CHST11: variants seen among roughly 807,000 people sequenced by gnomAD.
CHST11 encodes the protein carbohydrate sulfotransferase 11, also known as C4S-1.
CHST11 carries 9 observed loss-of-function variants against 30.4 expected under a neutral mutation model. That is an observed-to-expected ratio of 0.30 (90% confidence interval 0.18 to 0.52). The LOEUF (loss-of-function observed/expected upper bound fraction) is 0.52, where lower values mean the gene tolerates loss of function less well. Ranked by LOEUF, CHST11 falls within the 20% of genes least tolerant of loss-of-function variation. The pLI is 0.97. For missense variants in CHST11, 348 were observed against 460.6 expected, an observed-to-expected ratio of 0.76 and a Z score of 2.24; for synonymous variants, 152 against 187.8, an observed-to-expected ratio of 0.81 and a Z score of 1.56.
intron 1 of CHST11, among the ~76,000 whole-genome samples, chr12:104,586,931 C>T (rs543423487): frequency 1.2e-4 from 18 of 152,282 alleles, no homozygotes; most frequent in African/African-American, 3.9e-4. Flanking sequence ...CCTTGAACTG[C>T]GTTTTTTCCA....
chr12:104,474,543 A>T (rs1411226816), intron 1 of CHST11, among the ~76,000 whole-genome samples: 1 of 152,222 alleles, frequency 6.6e-6, no homozygotes. Context: ...TGAGATTTTT[A>T]AAAATAAATC....
intron 1 of CHST11, among the ~76,000 whole-genome samples, chr12:104,534,589 T>A (rs1452615322): frequency 1.3e-5 from 2 of 152,204 alleles, no homozygotes; most frequent in Non-Finnish European, 2.9e-5. Context: ...TTTCAGTTGA[T>A]CCCACTGAGA....
chr12:104,655,870 T>C (rs530672035), intron 2 of CHST11, among the ~76,000 whole-genome samples: 82 of 152,322 alleles, frequency 5.4e-4, no homozygotes, highest in Middle Eastern at 3.4e-3. Context: ...TTTTTCTCTC[T>C]TGTTGCAAGA....
At chr12:104,471,941 T>A (rs753480133) in intron 1 of CHST11, among the ~76,000 whole-genome samples, 7 of 151,984 alleles carry the variant, frequency 4.6e-5, no homozygotes, top group Non-Finnish European at 1.0e-4. Context: ...GGGCTTTTTT[T>A]GGTCTCCCCT....
chr12:104,717,727 C>T (rs1050445839), intron 2 of CHST11, among the ~76,000 whole-genome samples: 7 of 151,780 alleles, frequency 4.6e-5, no homozygotes, highest in Non-Finnish European at 7.4e-5. Context: ...GCCGATATCA[C>T]GCCACTGCAC....
chr12:104,475,688 A>ATATATATATATTTATTTATT (rs1555226434), intron 1 of CHST11, among the ~76,000 whole-genome samples: 1 of 78,468 alleles, frequency 1.3e-5, no homozygotes, highest in Non-Finnish European at 2.9e-5. Context: ...ATATATATAT[A>ATATATATATATTTATTTATT]TATTTCTGAT....
chr12:104,667,389 G>C (rs1566029852), intron 2 of CHST11, among the ~76,000 whole-genome samples: 1 of 152,110 alleles, frequency 6.6e-6, no homozygotes, highest in Non-Finnish European at 1.5e-5. Flanking sequence ...TCTAGCCTTG[G>C]TTTTGCTAGA....
At chr12:104,599,973 G>A (rs1180448261) in intron 1 of CHST11, among the ~76,000 whole-genome samples, 2 of 152,212 alleles carry the variant, frequency 1.3e-5, no homozygotes, top group African/African-American at 4.8e-5. Context: ...TTTCTGTATC[G>A]TTTGGGGAGG....
chr12:104,663,615 G>T (rs894329426), intron 2 of CHST11, among the ~76,000 whole-genome samples: 2 of 151,998 alleles, frequency 1.3e-5, no homozygotes, highest in Admixed American at 1.3e-4. Context: ...GCTTTGCTTA[G>T]ACTGGTGTTC....
At chr12:104,732,402 G>GT (rs1371740272) in intron 2 of CHST11, among the ~76,000 whole-genome samples, 2 of 152,122 alleles carry the variant, frequency 1.3e-5, no homozygotes, top group African/African-American at 4.8e-5. Context: ...GCTGGTTTTC[G>GT]TAAGTTTTGA....
intron 1 of CHST11, among the ~76,000 whole-genome samples, chr12:104,494,562 A>G (rs2037781160): frequency 6.6e-6 from 1 of 152,156 alleles, no homozygotes; most frequent in South Asian, 2.1e-4. Context: ...AACTTCACAA[A>G]ACTTCTCTGA....
Position 104,513,145 on chromosome 12 carries a change from T to TGGGGGGGG in CHST11, c.118+55620_118+55621insGGGGGGGG, listed in dbSNP as rs1565969854. ...GACTGGGGGGGGGGGGGGTTGGGGG[T>TGGGGGGGG]GGGGAGGGAGGGAGAGGTGGGCCAG... On this transcript the variant is annotated intron_variant, in intron 1 of 2. Transcript: ENST00000303694. 2.4e-3 allele frequency among the ~76,000 whole-genome samples: 18 copies of TGGGGGGGG among 7,618 alleles called. 1 individual carries two copies. Among genetic ancestry groups the TGGGGGGGG allele is most frequent in the South Asian group, 6.3e-3 (1 of 160 alleles). 5.0% of individuals were successfully genotyped at this position (7,618 alleles called of 152,430 possible).
chr12:104,559,990 G>T (rs2038497992), intron 1 of CHST11, among the ~76,000 whole-genome samples: 1 of 152,176 alleles, frequency 6.6e-6, no homozygotes, highest in Non-Finnish European at 1.5e-5. Context: ...CTGAAGGGTG[G>T]CTTTTGAGCA....
intron 2 of CHST11, among the ~76,000 whole-genome samples, chr12:104,741,084 C>T (rs948413027): frequency 1.3e-5 from 2 of 152,252 alleles, no homozygotes; most frequent in African/African-American, 4.8e-5. Flanking sequence ...GTGCCTGGGA[C>T]ACTGAGATAC....
intron 2 of CHST11, among the ~76,000 whole-genome samples, chr12:104,726,419 A>C (rs2136129851): frequency 6.6e-6 from 1 of 152,342 alleles, no homozygotes; most frequent in Non-Finnish European, 1.5e-5. Context: ...AAAATGAAAA[A>C]CTAAGGGGCT....
At chr12:104,746,722 AC>A (rs1168155249) in intron 2 of CHST11, among the ~76,000 whole-genome samples, 3 of 152,240 alleles carry the variant, frequency 2.0e-5, no homozygotes, top group Non-Finnish European at 4.4e-5. Context: ...ATGTCAGTTA[AC>A]ATGAAGCCAC....
Position 104,458,166 on chromosome 12 carries a change from C to T in CHST11, c.118+637C>T, listed in dbSNP as rs2037373593. Among the ~76,000 whole-genome samples the T allele has an allele frequency of 2.6e-5, 4 of 152,066 alleles. No homozygotes were observed. In the South Asian group the frequency reaches 8.3e-4, roughly 32 times the overall value. On this transcript the variant is annotated intron_variant, in intron 1 of 2. Coordinates refer to ENST00000303694, the MANE Select transcript of CHST11 (RefSeq NM_018413.6). The surrounding 1 kb of genome is among the most constrained non-coding windows in gnomAD (Gnocchi z 5.7). ...GCGTTGCCCCTCCACCACGCGCCGG[C>T]CGTTTGCCCCCGGGGTCCGGCTCCG...
intron 1 of CHST11, among the ~76,000 whole-genome samples, chr12:104,457,866 A>C (rs2037369879): frequency 7.1e-6 from 1 of 140,016 alleles, no homozygotes; most frequent in African/African-American, 2.7e-5. Context: ...GGAAACGGAG[A>C]GGTGTGGGAA....
intron 2 of CHST11, among the ~76,000 whole-genome samples, chr12:104,619,219 T>G (rs2039137253): frequency 6.6e-6 from 1 of 152,228 alleles, no homozygotes; most frequent in Admixed American, 6.5e-5. Context: ...CTCGGTTTCC[T>G]GGATTGTCAG....
Sources: gnomAD v4.1 joint callset for allele counts (sites outside exome capture counted in the v4.1 genomes callset) on GRCh38, gnomAD v4.1.1 for gene constraint, Gnocchi (gnomAD v3.1) non-coding constraint, MANE v1.5 for transcripts, NCBI Gene and HGNC (gene_info 2026-07-23, HGNC 2026-07-21) for gene names.